The following TTC6 variants were observed in gnomAD, a reference collection of about 807,000 sequenced individuals.
The protein encoded by TTC6 is tetratricopeptide repeat domain 6, also known as tetratricopeptide repeat protein 6.
TTC6 carries 172 observed loss-of-function variants against 210.4 expected under a neutral mutation model. The observed-to-expected ratio is 0.82, with a 90% CI of 0.72 to 0.93. TTC6 has a LOEUF of 0.93. TTC6 is among the 40% of genes least tolerant of loss of function. TTC6 has a pLI of 0.00. For synonymous variants in TTC6, 804 were observed against 819.6 expected, an observed-to-expected ratio of 0.98 and a Z score of 0.32; for missense variants, 2,414 against 2,318.1, an observed-to-expected ratio of 1.04 and a Z score of -0.85.
chr14:37,626,182 A>T (rs1009952732), intron 1 of TTC6, among the ~76,000 whole-genome samples: 2 of 150,292 alleles, frequency 1.3e-5, no homozygotes, highest in African/African-American at 4.8e-5. Context: ...TGGCAGGAGA[A>T]GTAGAAATGT....
chr14:37,614,641 T>G (rs1238509104), intron 2 of TTC6, among the ~76,000 whole-genome samples: 1 of 150,352 alleles, frequency 6.7e-6, no homozygotes, highest in African/African-American at 2.4e-5. Context: ...GTAATTCTCT[T>G]AGGTTTTTTT....
At chr14:37,821,596 A>G (rs1443823010) in intron 26 of TTC6, among the ~76,000 whole-genome samples, 1 of 152,082 alleles carries the variant, frequency 6.6e-6, no homozygotes, top group Non-Finnish European at 1.5e-5. Flanking sequence ...GTTGCACCAC[A>G]TTTGGGAAAA....
At chr14:37,796,121 G>T (rs1301470364) in intron 18 of TTC6, among the ~76,000 whole-genome samples, 173 bp from the exon 21 acceptor site, 4 of 151,906 alleles carry the variant, frequency 2.6e-5, no homozygotes, top group Admixed American at 2.0e-4. Flanking sequence ...ACATCACTAT[G>T]CTAATTGATA....
intron 2 of TTC6, among the ~76,000 whole-genome samples, chr14:37,614,363 T>A (rs2095639210): frequency 6.6e-6 from 1 of 152,184 alleles, no homozygotes; most frequent in African/African-American, 2.4e-5. Flanking sequence ...AACCATATAG[T>A]TCCTTTACCC....
At chr14:37,820,125 A>G (rs757929014) in intron 26 of TTC6, among the ~76,000 whole-genome samples, 6 of 152,222 alleles carry the variant, frequency 3.9e-5, no homozygotes, top group Admixed American at 6.5e-5. Flanking sequence ...AACCTGTAGG[A>G]CACTGTGACA....
At chr14:37,622,701 G>C (rs556134670) in exon 1 of TTC6, 759 of 1,535,088 alleles carry the variant, frequency 4.9e-4, no homozygotes, top group Non-Finnish European at 6.4e-4. Flanking sequence ...CGCAGAGGAC[G>C]GCTACATGGA....
At chr14:37,625,365 T>G (rs1317306657) in intron 1 of TTC6, among the ~76,000 whole-genome samples, 4 of 151,718 alleles carry the variant, frequency 2.6e-5, no homozygotes, top group African/African-American at 9.7e-5. Flanking sequence ...CTGGCCAACA[T>G]GGTGAAACCC....
At chr14:37,713,263 T>C (rs531090956) in intron 5 of TTC6, among the ~76,000 whole-genome samples, 1 of 152,346 alleles carries the variant, frequency 6.6e-6, no homozygotes, top group East Asian at 1.9e-4. Context: ...TAGAACCTTC[T>C]GCCTTCTAAT....
intron 24 of TTC6, among the ~76,000 whole-genome samples, chr14:37,811,457 G>T (rs1441657798): frequency 6.6e-6 from 1 of 152,114 alleles, no homozygotes; most frequent in Non-Finnish European, 1.5e-5. Flanking sequence ...AATATAAAAT[G>T]CTCTTTGTCA....
intron 7 of TTC6, 81 bp from the exon 10 acceptor site, chr14:37,735,840 T>C: frequency 1.3e-6 from 1 of 758,174 alleles, no homozygotes. Context: ...TTAATAATGT[T>C]GTACTATGAA....
chr14:37,755,416 C>G (rs2095964612), intron 14 of TTC6, among the ~76,000 whole-genome samples: 1 of 152,134 alleles, frequency 6.6e-6, no homozygotes, highest in Non-Finnish European at 1.5e-5. Context: ...GCTTTTGTTG[C>G]CATTGCTTTT....
rs1357000580 is a variant in TTC6 at position 37,694,566 on chromosome 14, G to A, written c.1258-2151G>A. ...AACTACCATATGATACAGCAATCCC[G>A]CTGCTGGGTACATACCCCAAAGAAA... On this transcript the variant is annotated intron_variant, in intron 3 of 30. Transcript: ENST00000553443. 4.6e-5 allele frequency among the ~76,000 whole-genome samples: 7 copies of A among 152,056 alleles called. No homozygotes were observed. The East Asian group carries it at 5.8e-4, about 13-fold the overall frequency.
intron 6 of TTC6, among the ~76,000 whole-genome samples, chr14:37,718,772 A>G (rs1170654452): frequency 1.3e-5 from 2 of 152,088 alleles, no homozygotes; most frequent in African/African-American, 4.8e-5. Context: ...TACAAAAAAT[A>G]CAAAAATTAG....
chr14:37,773,061 G>T (rs1444354398), intron 14 of TTC6, among the ~76,000 whole-genome samples: 1 of 152,158 alleles, frequency 6.6e-6, no homozygotes, highest in Non-Finnish European at 1.5e-5. Context: ...ATTGAAAAGT[G>T]TCTGTTCATG....
chr14:37,765,475 C>T (rs1046474422), intron 14 of TTC6, among the ~76,000 whole-genome samples: 2 of 152,012 alleles, frequency 1.3e-5, no homozygotes, highest in Admixed American at 6.6e-5. Flanking sequence ...GCCACTGCAC[C>T]CTATCACAAA....
At chr14:37,824,223 C>T (rs2096165132) in intron 27 of TTC6, among the ~76,000 whole-genome samples, 1 of 152,112 alleles carries the variant, frequency 6.6e-6, no homozygotes, top group African/African-American at 2.4e-5. Context: ...GCACCCCTCC[C>T]TACCTTCCTC....
chr14:37,607,738 C>T (rs1411906900), intron 2 of TTC6, among the ~76,000 whole-genome samples: 1 of 151,828 alleles, frequency 6.6e-6, no homozygotes, highest in African/African-American at 2.4e-5. Context: ...CAACAATCCT[C>T]CCACCTCAGC....
chr14:37,683,680 A>G (rs2095788691), intron 3 of TTC6, among the ~76,000 whole-genome samples: 1 of 152,130 alleles, frequency 6.6e-6, no homozygotes, highest in Admixed American at 6.6e-5. Context: ...ATTAAACTTT[A>G]TCATCAATAT....
At chr14:37,622,983 A>T in exon 1 of TTC6, 1 of 1,477,840 alleles carries the variant, frequency 6.8e-7, no homozygotes. Context: ...CCTTGGCCAG[A>T]ACTACGACAT....
Sources: allele counts gnomAD v4.1 joint callset (sites outside exome capture counted in the v4.1 genomes callset), GRCh38; gene constraint gnomAD v4.1.1; transcripts MANE v1.5; gene names NCBI Gene and HGNC (gene_info 2026-07-23, HGNC 2026-07-21).